MBNL1: variants seen among roughly 807,000 people sequenced by gnomAD.
The protein encoded by MBNL1 is muscleblind-like protein 1.
A neutral mutation model predicts 42.2 loss-of-function variants in MBNL1; 8 were observed. That is an observed-to-expected ratio of 0.19 (90% CI 0.11 to 0.34). The LOEUF is 0.34. Among genes scored for constraint, MBNL1 ranks in the 10% least tolerant of loss-of-function variants. The pLI, the probability that MBNL1 is intolerant of heterozygous loss-of-function variation, is 1.00. For missense variants in MBNL1, 309 were observed against 495.3 expected (o/e 0.62, Z 3.57); for synonymous variants, 169 against 173.9 (o/e 0.97, Z 0.22).
At chr3:152,262,262 G>A (rs187675044) in intron 2 of MBNL1, among the ~76,000 whole-genome samples, 1 of 152,246 alleles carries the variant, frequency 6.6e-6, no homozygotes, top group Non-Finnish European at 1.5e-5. Flanking sequence ...AGGCAAAGAG[G>A]AAAGAAGAGA....
chr3:152,318,151 C>A (rs1255505139), intron 2 of MBNL1, among the ~76,000 whole-genome samples: 1 of 152,000 alleles, frequency 6.6e-6, no homozygotes, highest in Non-Finnish European at 1.5e-5. Context: ...TTTAATGGTA[C>A]AAAGGAAAGG....
At chr3:152,357,074 A>G (rs2095579969) in intron 2 of MBNL1, among the ~76,000 whole-genome samples, 1 of 152,184 alleles carries the variant, frequency 6.6e-6, no homozygotes, top group Admixed American at 6.5e-5. Context: ...TTTTCTCAAC[A>G]GAGATCATGT....
intron 2 of MBNL1, among the ~76,000 whole-genome samples, chr3:152,313,577 T>TACTAAC (rs2068400408): frequency 1.3e-5 from 2 of 152,352 alleles, no homozygotes; most frequent in Non-Finnish European, 2.9e-5. Context: ...ACTCCATAGA[T>TACTAAC]ACTAACGGTA....
At position 152,459,261 on chromosome 3, in the gene MBNL1, T is replaced by C; in HGVS notation, c.1093-10T>C. 1 of 1,527,220 alleles carries C rather than the reference T, an allele frequency of 6.5e-7. No homozygotes were observed. Among genetic ancestry groups the C allele is most frequent in the Non-Finnish European group, 8.9e-7 (1 of 1,123,520 alleles). 94.6% of individuals were successfully genotyped at this position (1,527,220 alleles called of 1,614,324 possible). A position where few individuals can be genotyped will look rare whatever the true frequency, so the allele number is the denominator to read the frequency against. ...ATGGATCATTCATTAAATAATTTTTTATTTGCTAGATACCCATAATATCTG... is the reference window on the plus strand; with the variant it reads ...ATGGATCATTCATTAAATAATTTTTCATTTGCTAGATACCCATAATATCTG... On this transcript the variant is annotated splice_polypyrimidine_tract_variant and intron_variant, in intron 8 of 9. Transcript: ENST00000324210.
At chr3:152,358,123 C>T (rs767645895) in intron 2 of MBNL1, among the ~76,000 whole-genome samples, 1 of 152,154 alleles carries the variant, frequency 6.6e-6, no homozygotes, top group East Asian at 1.9e-4. Flanking sequence ...CTAAATTTTA[C>T]ACACTACATC....
At chr3:152,287,630 A>T (rs2053339854) in intron 1 of MBNL1, among the ~76,000 whole-genome samples, 1 of 152,230 alleles carries the variant, frequency 6.6e-6, no homozygotes, top group Admixed American at 6.5e-5. Flanking sequence ...CGAGTCACTG[A>T]TTCAGATAAT....
intron 4 of MBNL1, among the ~76,000 whole-genome samples, chr3:152,437,653 A>G (rs2153804006): frequency 6.6e-6 from 1 of 152,290 alleles, no homozygotes; most frequent in Admixed American, 6.5e-5. Context: ...CTATAAGCAT[A>G]TATTACATAT....
chr3:152,248,457 C>T (rs552671061), intron 2 of MBNL1, among the ~76,000 whole-genome samples: 1 of 151,898 alleles, frequency 6.6e-6, no homozygotes, highest in South Asian at 2.1e-4. Context: ...TATTTTATCC[C>T]ATTTGCTTTA....
chr3:152,295,093 A>G (rs959442039), intron 1 of MBNL1, among the ~76,000 whole-genome samples: 19 of 152,296 alleles, frequency 1.2e-4, no homozygotes, highest in Non-Finnish European at 1.3e-4. Flanking sequence ...TTCAGTGTCT[A>G]TGCCTGAACT....
At chr3:152,261,415 A>C (rs1211504190) in intron 2 of MBNL1, among the ~76,000 whole-genome samples, 1 of 152,182 alleles carries the variant, frequency 6.6e-6, no homozygotes, top group Non-Finnish European at 1.5e-5. Flanking sequence ...TGGGGTTGGC[A>C]AGTCTGGGAA....
At chr3:152,395,629 A>G (rs1252139450) in intron 2 of MBNL1, among the ~76,000 whole-genome samples, 1 of 152,222 alleles carries the variant, frequency 6.6e-6, no homozygotes, top group Non-Finnish European at 1.5e-5. Flanking sequence ...TGTCTTCCTG[A>G]AATTCAAGTA....
Position 152,311,381 on chromosome 3 carries a change from T to C in MBNL1, c.174+11014T>C, listed in dbSNP as rs1250144775. On this transcript the variant is annotated intron_variant, in intron 2 of 9. Transcript: ENST00000324210. ...TTTATTTATATTATATTGTTTCTAA[T>C]ATATGCCTAGTAAGACAGAAATATG... Among the ~76,000 whole-genome samples, 3 of 152,312 alleles carry C rather than the reference T, an allele frequency of 2.0e-5. No homozygotes were observed. In the East Asian group the frequency reaches 5.8e-4, roughly 29 times the overall value.
At chr3:152,291,649 G>A (rs2056071035) in intron 1 of MBNL1, among the ~76,000 whole-genome samples, 1 of 152,228 alleles carries the variant, frequency 6.6e-6, no homozygotes, top group Admixed American at 6.5e-5. Flanking sequence ...GAGAACTAGT[G>A]TAACCACTGC....
At chr3:152,438,836 G>A (rs2099111847) in intron 4 of MBNL1, among the ~76,000 whole-genome samples, 1 of 152,108 alleles carries the variant, frequency 6.6e-6, no homozygotes. Context: ...CAGATAAGTT[G>A]GTAAGAACAC....
At chr3:152,288,179 G>A (rs947171487) in intron 1 of MBNL1, among the ~76,000 whole-genome samples, 15 of 152,170 alleles carry the variant, frequency 9.9e-5, no homozygotes, top group African/African-American at 2.7e-4. Context: ...ACTTTATTCT[G>A]TAGACTGTTA....
chr3:152,369,897 C>A (rs1425420618), intron 2 of MBNL1, among the ~76,000 whole-genome samples: 1 of 152,080 alleles, frequency 6.6e-6, no homozygotes, highest in African/African-American at 2.4e-5. Flanking sequence ...TGATTCTTCT[C>A]TCTTTTCTTC....
chr3:152,369,538 G>A (rs544459092), intron 2 of MBNL1, among the ~76,000 whole-genome samples: 1 of 152,254 alleles, frequency 6.6e-6, no homozygotes, highest in South Asian at 2.1e-4. Flanking sequence ...ATGAGTGATG[G>A]AGGAGTCCCT....
At chr3:152,256,868 T>C (rs1305825421) in intron 2 of MBNL1, among the ~76,000 whole-genome samples, 1 of 152,174 alleles carries the variant, frequency 6.6e-6, no homozygotes, top group Non-Finnish European at 1.5e-5. Context: ...ATAAAAAACA[T>C]TACCTGGCCT....
At chr3:152,251,209 C>T (rs1042431355) in intron 2 of MBNL1, among the ~76,000 whole-genome samples, 4 of 152,026 alleles carry the variant, frequency 2.6e-5, no homozygotes, top group African/African-American at 9.7e-5. Context: ...ATTTCCCCTC[C>T]AGTAAATCAC....
Sources: allele counts gnomAD v4.1 joint callset (sites outside exome capture counted in the v4.1 genomes callset), GRCh38; gene constraint gnomAD v4.1.1; transcripts MANE v1.5; gene names NCBI Gene and HGNC (gene_info 2026-07-23, HGNC 2026-07-21).